Variants in RNF115 observed in about 807,000 individuals in gnomAD.
The protein encoded by RNF115 is ring finger protein 115.
RNF115 carries 31 observed loss-of-function variants against 39.2 expected under a neutral mutation model. The ratio of observed to expected loss-of-function variants is 0.79; its 90% CI spans 0.59 to 1.07. The LOEUF is 1.07. RNF115 is among the 50% of genes least tolerant of loss of function. The pLI is 0.00. For synonymous variants in RNF115, 124 were observed against 131.0 expected, an observed-to-expected ratio of 0.95 and a Z score of 0.37; for missense variants, 384 against 381.7, an observed-to-expected ratio of 1.01 and a Z score of -0.05.
At position 145,761,807 on chromosome 1, in the gene RNF115, T is replaced by C. The variant is rs1778526; in HGVS notation, c.429-8758A>G. On this transcript the variant is annotated intron_variant, in intron 4 of 8. Transcript: ENST00000582693. ...CCAGAATGGTAGATCCACTGACAGC[T>C]TGCACCAATGCGCCTGGAAAAGCCA... 5.7e-3 allele frequency among the ~76,000 whole-genome samples: 871 copies of C among 152,252 alleles called. 10 individuals carry two copies. The highest frequency in any genetic ancestry group is 0.02 in the African/African-American group (833 of 41,526).
At chr1:145,802,520 T>C (rs1163591117) in intron 1 of RNF115, among the ~76,000 whole-genome samples, 2 of 152,230 alleles carry the variant, frequency 1.3e-5, no homozygotes, top group Non-Finnish European at 2.9e-5. Flanking sequence ...TTGAAACCTA[T>C]ACAAGTTTGT....
intron 4 of RNF115, among the ~76,000 whole-genome samples, chr1:145,763,985 T>C (rs1025839372): frequency 6.9e-6 from 1 of 145,852 alleles, no homozygotes; most frequent in Non-Finnish European, 1.5e-5. Flanking sequence ...ACTGTACTGC[T>C]GCCATCTCGG....
intron 4 of RNF115, 66 bp from the exon 5 acceptor site, chr1:145,753,115 G>T: frequency 1.8e-6 from 2 of 1,081,430 alleles, no homozygotes; most frequent in Non-Finnish European, 1.4e-6. Context: ...GATATCCATG[G>T]CTGCCTAATC....
intron 8 of RNF115, 38 bp from the exon 9 acceptor site, chr1:145,747,035 G>C (rs1553711841): frequency 2.4e-5 from 38 of 1,583,246 alleles, no homozygotes; most frequent in Non-Finnish European, 3.2e-5. Flanking sequence ...GAAGATCCTG[G>C]CCTGAGAAGC....
At chr1:145,810,807 C>T in intron 1 of RNF115, among the ~76,000 whole-genome samples, 1 of 143,552 alleles carries the variant, frequency 7.0e-6, no homozygotes, top group East Asian at 2.0e-4. Context: ...ATTACCAAAG[C>T]CTAGAACCTA....
chr1:145,823,829 T>TACAGCGGCGCCCGAGTCCGCCC lies in RNF115; in HGVS notation c.23_44dup (p.Ala16GlyfsTer34), dbSNP rs1553724949. On this transcript the variant is annotated frameshift_variant, in exon 1 of 9. Coordinates refer to ENST00000582693, the MANE Select transcript of RNF115 (RefSeq NM_014455.4). LOFTEE classifies it high-confidence loss of function. ...AGTGGCAGAAAAACCGGTGGGCGGC[T>TACAGCGGCGCCCGAGTCCGCCC]ACAGCGGCGCCCGAGTCCGCCCCGG... 1 of 1,581,086 alleles carries TACAGCGGCGCCCGAGTCCGCCC rather than the reference T, an allele frequency of 6.3e-7. No homozygotes were observed. Among genetic ancestry groups the TACAGCGGCGCCCGAGTCCGCCC allele is most frequent in the African/African-American group, 1.4e-5 (1 of 71,726 alleles).
intron 4 of RNF115, among the ~76,000 whole-genome samples, chr1:145,766,632 C>T (rs1647294754): frequency 6.7e-6 from 1 of 149,454 alleles, no homozygotes; most frequent in East Asian, 2.0e-4. Flanking sequence ...GGCTGACCCC[C>T]CCACCTCCCT....
At chr1:145,778,223 A>C (rs1165579844) in intron 3 of RNF115, among the ~76,000 whole-genome samples, 1 of 152,232 alleles carries the variant, frequency 6.6e-6, no homozygotes, top group Non-Finnish European at 1.5e-5. Flanking sequence ...GAAAAGAGTC[A>C]GTCACAAAGG....
chr1:145,785,088 T>A (rs1353437856), intron 2 of RNF115, among the ~76,000 whole-genome samples: 1 of 152,156 alleles, frequency 6.6e-6, no homozygotes, highest in Non-Finnish European at 1.5e-5. Context: ...TTTCTCCCCC[T>A]ACCCACCTTT....
chr1:145,797,793 T>G (rs1649049321), intron 1 of RNF115, among the ~76,000 whole-genome samples: 1 of 152,194 alleles, frequency 6.6e-6, no homozygotes, highest in African/African-American at 2.4e-5. Flanking sequence ...TCTCATAATC[T>G]TCACTAACAC....
At chr1:145,786,725 CT>C (rs1648396125) in intron 2 of RNF115, among the ~76,000 whole-genome samples, 1 of 152,216 alleles carries the variant, frequency 6.6e-6, no homozygotes, top group Admixed American at 6.5e-5. Context: ...ACCAATATAT[CT>C]TTTAATTAGC....
At chr1:145,756,828 C>CTTTTTTTTTTTT (rs1658313259) in intron 4 of RNF115, among the ~76,000 whole-genome samples, 1 of 84,374 alleles carries the variant, frequency 1.2e-5, no homozygotes. Flanking sequence ...AAATTTCTAG[C>CTTTTTTTTTTTT]TTCTTTTTTT....
intron 3 of RNF115, among the ~76,000 whole-genome samples, chr1:145,778,902 T>C (rs1217589702): frequency 6.6e-6 from 1 of 152,232 alleles, no homozygotes; most frequent in Non-Finnish European, 1.5e-5. Context: ...TGATTATGTG[T>C]GCCTGCTTTG....
At chr1:145,786,330 C>T (rs1344024762) in intron 2 of RNF115, among the ~76,000 whole-genome samples, 1 of 152,180 alleles carries the variant, frequency 6.6e-6, no homozygotes, top group African/African-American at 2.4e-5. Context: ...CTACTTACCA[C>T]TGCAATTGCT....
chr1:145,794,911 G>A (rs910152411), intron 1 of RNF115, among the ~76,000 whole-genome samples: 3 of 150,972 alleles, frequency 2.0e-5, no homozygotes, highest in Admixed American at 6.6e-5. Flanking sequence ...CAGCTACTGG[G>A]AAGGCTGAAG....
At chr1:145,748,762 G>A (rs1265889622) in intron 7 of RNF115, among the ~76,000 whole-genome samples, 4 of 151,918 alleles carry the variant, frequency 2.6e-5, no homozygotes, top group Admixed American at 2.6e-4. Flanking sequence ...GTGAGCGCCT[G>A]TAAACCCACC....
At chr1:145,818,062 TAC>T (rs760156452) in intron 1 of RNF115, among the ~76,000 whole-genome samples, 28 of 151,148 alleles carry the variant, frequency 1.9e-4, no homozygotes, top group Non-Finnish European at 3.7e-4. Flanking sequence ...ACAATAAACA[TAC>T]AAGTGCATGT....
At chr1:145,795,449 CGCTGATTGGTCCATTTTACAGAGT>C (rs1648932482) in intron 1 of RNF115, among the ~76,000 whole-genome samples, 2 of 151,986 alleles carry the variant, frequency 1.3e-5, no homozygotes, top group Non-Finnish European at 2.9e-5. Context: ...TTTTACAGAG[CGCTGATTGGTCCATTTTACAGAGT>C]GCTGATTGGT....
chr1:145,748,212 CACAAGAG>C, intron 7 of RNF115, 102 bp from the exon 8 acceptor site: 3 of 758,262 alleles, frequency 4.0e-6, no homozygotes, highest in Non-Finnish European at 6.8e-6. Flanking sequence ...AAAGAAAAGA[CACAAGAG>C]ACAAAAGAAA....
Sources: gnomAD v4.1 joint callset for allele counts (sites outside exome capture counted in the v4.1 genomes callset) on GRCh38, gnomAD v4.1.1 for gene constraint, MANE v1.5 for transcripts, NCBI Gene and HGNC (gene_info 2026-07-23, HGNC 2026-07-21) for gene names.